The following CCDC7 variants were observed in gnomAD, a reference collection of about 807,000 sequenced individuals.
CCDC7 encodes coiled-coil domain containing 7.
In CCDC7, 183 loss-of-function variants were observed where a neutral mutation model predicts 196.9. The observed-to-expected ratio is 0.93, with a 90% CI of 0.82 to 1.05. The LOEUF is 1.05. Ranked by LOEUF, CCDC7 falls within the 50% of genes least tolerant of loss-of-function variation. The pLI is 0.00. For missense variants in CCDC7, 1,540 were observed against 1,482.2 expected (o/e 1.04, Z -0.64); for synonymous variants, 525 against 484.6 (o/e 1.08, Z -1.10).
At chr10:32,620,676 C>T (rs532631009) in intron 18 of CCDC7, among the ~76,000 whole-genome samples, 3 of 152,228 alleles carry the variant, frequency 2.0e-5, no homozygotes, top group African/African-American at 7.2e-5. Flanking sequence ...TTCCACTGTC[C>T]AGCCATGGCT....
intron 25 of CCDC7, among the ~76,000 whole-genome samples, chr10:32,718,042 A>G (rs577043672): frequency 6.6e-6 from 1 of 152,226 alleles, no homozygotes; most frequent in East Asian, 1.9e-4. Context: ...TGAGACCAGC[A>G]GCATCCTGAT....
chr10:32,656,784 A>T (rs1347819151), intron 20 of CCDC7, among the ~76,000 whole-genome samples: 1 of 152,286 alleles, frequency 6.6e-6, no homozygotes, highest in East Asian at 1.9e-4. Flanking sequence ...ACAGTCCCCC[A>T]AAGTCTTAAC....
chr10:32,563,559 C>T (rs1466737413), intron 13 of CCDC7, among the ~76,000 whole-genome samples: 3 of 152,190 alleles, frequency 2.0e-5, no homozygotes, highest in African/African-American at 4.8e-5. Context: ...AAAGGATTCC[C>T]TATTTAATAA....
At chr10:32,448,897 G>A (rs2032202100), upstream of CCDC7, among the ~76,000 whole-genome samples, 1 of 151,930 alleles carries the variant, frequency 6.6e-6, no homozygotes, top group Non-Finnish European at 1.5e-5. Context: ...TCAGGAATAT[G>A]TGATAAATGC....
chr10:32,668,248 A>C (rs1246029734), intron 21 of CCDC7, among the ~76,000 whole-genome samples: 1 of 152,170 alleles, frequency 6.6e-6, no homozygotes, highest in Non-Finnish European at 1.5e-5. Context: ...GAAGTTGCCT[A>C]TCAGCTTAAG....
chr10:32,456,113 G>A (rs1002277792), intron 2 of CCDC7, 138 bp from the exon 4 acceptor site: 9 of 762,178 alleles, frequency 1.2e-5, no homozygotes, highest in Admixed American at 3.6e-5. Context: ...TTTGAAGCAT[G>A]GCTTCTTGCT....
intron 21 of CCDC7, among the ~76,000 whole-genome samples, chr10:32,667,949 T>C (rs1173692221): frequency 6.6e-6 from 1 of 152,098 alleles, no homozygotes; most frequent in African/African-American, 2.4e-5. Flanking sequence ...AATCTATAAA[T>C]TACCTTGGGC....
chr10:32,498,103 A>G (rs907957766), intron 9 of CCDC7, among the ~76,000 whole-genome samples: 1 of 152,030 alleles, frequency 6.6e-6, no homozygotes, highest in Non-Finnish European at 1.5e-5. Flanking sequence ...TATATTTAGG[A>G]TAGTTAGCTC....
intron 25 of CCDC7, among the ~76,000 whole-genome samples, chr10:32,716,584 T>A (rs1200607361): frequency 1.3e-5 from 2 of 152,164 alleles, no homozygotes; most frequent in Non-Finnish European, 2.9e-5. Flanking sequence ...AATGCCTCAA[T>A]TAAAAGACAC....
chr10:32,700,267 C>A (rs1256612773), intron 24 of CCDC7, among the ~76,000 whole-genome samples: 1 of 149,424 alleles, frequency 6.7e-6, no homozygotes, highest in Non-Finnish European at 1.5e-5. Flanking sequence ...TCAGCTTTCT[C>A]CATATGGCTA....
intron 21 of CCDC7, among the ~76,000 whole-genome samples, chr10:32,678,528 C>T (rs907225424): frequency 2.6e-5 from 4 of 152,120 alleles, no homozygotes; most frequent in African/African-American, 9.7e-5. Context: ...GCTATTGGAT[C>T]CATACTGTTT....
intron 18 of CCDC7, among the ~76,000 whole-genome samples, chr10:32,633,779 A>C (rs1228583009): frequency 6.7e-6 from 1 of 149,212 alleles, no homozygotes; most frequent in Non-Finnish European, 1.5e-5. Flanking sequence ...GGAATTGTGC[A>C]TTAACTTACT....
chr10:32,837,223 T>C (rs971906352), intron 33 of CCDC7, among the ~76,000 whole-genome samples: 2 of 151,954 alleles, frequency 1.3e-5, no homozygotes, highest in African/African-American at 4.8e-5. Flanking sequence ...CAAACAAATT[T>C]ACAAGAAAAA....
chr10:32,801,601 G>C (rs1222109886), intron 29 of CCDC7, among the ~76,000 whole-genome samples: 1 of 152,124 alleles, frequency 6.6e-6, no homozygotes, highest in East Asian at 1.9e-4. Flanking sequence ...GGAGTGTAGT[G>C]CACCTCCATG....
chr10:32,765,173 C>A (rs2504349), intron 28 of CCDC7, among the ~76,000 whole-genome samples: 140,397 of 152,026 alleles, frequency 0.92, 65,813 homozygotes, highest in East Asian at 1. Flanking sequence ...GTATACTGCC[C>A]AAAATTTATA....
intron 8 of CCDC7, among the ~76,000 whole-genome samples, chr10:32,477,096 T>G (rs575372146): frequency 1.3e-5 from 2 of 151,910 alleles, no homozygotes; most frequent in Admixed American, 1.3e-4. Flanking sequence ...GTGCTTTAGG[T>G]GTTGTGTGTA....
At chr10:32,505,184 A>G (rs927337421) in intron 9 of CCDC7, among the ~76,000 whole-genome samples, 2 of 150,592 alleles carry the variant, frequency 1.3e-5, no homozygotes, top group African/African-American at 4.9e-5. Context: ...TTATTTATTT[A>G]TTTATTTATT....
chr10:32,770,018 A>T (rs1383015746), intron 28 of CCDC7, among the ~76,000 whole-genome samples: 1 of 152,234 alleles, frequency 6.6e-6, no homozygotes, highest in Non-Finnish European at 1.5e-5. Context: ...GCTGGATCAA[A>T]TGGTATTTCT....
intron 30 of CCDC7, among the ~76,000 whole-genome samples, chr10:32,807,806 T>G (rs7910994): frequency 0.088 from 13,414 of 151,736 alleles, 858 homozygotes; most frequent in East Asian, 0.33. Flanking sequence ...GCATAGTGCC[T>G]TTTTTCCTCT....
Sources: gnomAD v4.1 joint callset for allele counts (sites outside exome capture counted in the v4.1 genomes callset) on GRCh38, gnomAD v4.1.1 for gene constraint, MANE v1.5 for transcripts, NCBI Gene and HGNC (gene_info 2026-07-23, HGNC 2026-07-21) for gene names.